Variants in ZNF845 observed in about 807,000 individuals in gnomAD.
The protein encoded by ZNF845 is zinc finger protein 845.
ZNF845 carries 59 observed loss-of-function variants against 76.1 expected under a neutral mutation model. That is an observed-to-expected ratio of 0.78 (90% CI 0.63 to 0.96). ZNF845 has a LOEUF of 0.96. Ranked by LOEUF, ZNF845 falls within the 40% of genes least tolerant of loss-of-function variation. The pLI, the probability that ZNF845 is intolerant of heterozygous loss-of-function variation, is 0.00. For synonymous variants in ZNF845, 361 were observed against 386.9 expected, an observed-to-expected ratio of 0.93 and a Z score of 0.78; for missense variants, 1,045 against 1,172.8, an observed-to-expected ratio of 0.89 and a Z score of 1.59.
rs1316472844 is a variant in ZNF845 at position 53,352,388 on chromosome 19, A to C, written c.1713A>C (p.Ala571=). 3.1e-6 allele frequency: 5 copies of C among 1,613,842 alleles called. No individual in the cohort carries two copies. The highest frequency in any genetic ancestry group is 4.2e-6 in the Non-Finnish European group (5 of 1,179,826). Residue 571 remains alanine, a synonymous_variant, in exon 4 of 4, where the codon GCA becomes GCC. Coordinates refer to ENST00000458035, the MANE Select transcript of ZNF845 (RefSeq NM_138374.3). ...RGQSALIYHQ[A]IHGIGKLYKC... Reference sequence around the variant, plus strand: ...AGTCAGCACTTATTTACCATCAAGCAATCCATGGTATAGGGAAACTTTACA... The same window carrying C: ...AGTCAGCACTTATTTACCATCAAGCCATCCATGGTATAGGGAAACTTTACA...
At chr19:53,341,357 C>T (rs2085255655) in intron 2 of ZNF845, 35 bp downstream of exon 2, 1 of 1,613,220 alleles carries the variant, frequency 6.2e-7, no homozygotes, top group Admixed American at 1.7e-5. Flanking sequence ...GTTCTGTCTC[C>T]TTCCTCTCAG....
intron 1 of ZNF845, among the ~76,000 whole-genome samples, chr19:53,336,807 A>G (rs372989590): frequency 1.3e-5 from 2 of 152,174 alleles, no homozygotes; most frequent in African/African-American, 4.8e-5. Flanking sequence ...TTTAAAAAAC[A>G]ATTTCCAAAT....
intron 1 of ZNF845, chr19:53,340,823 G>T: frequency 2.8e-6 from 1 of 358,696 alleles, no homozygotes; most frequent in Non-Finnish European, 5.0e-6. Context: ...CTCTGCTCCA[G>T]CCATGCAGGC....
In ZNF845 at chr19:53,352,618, C is replaced by A. The variant is rs1175437675; in HGVS notation, c.1943C>A (p.Ser648Ter). 1.9e-6 allele frequency: 3 copies of A among 1,613,666 alleles called. No homozygotes were observed. In the South Asian group the frequency reaches 3.3e-5, roughly 18 times the overall value. ...EECDEAFSFK[S>*]NLQRHRRIHT... ...TGTGATGAAGCTTTCAGTTTCAAAT[C>A]AAACCTTCAAAGACATAGGAGAATT... Residue 648 changes from serine to a stop codon, truncating the protein, a stop_gained, in exon 4 of 4, where the codon TCA becomes TAA. Coordinates refer to ENST00000458035, the MANE Select transcript of ZNF845 (RefSeq NM_138374.3). LOFTEE classifies it high-confidence loss of function.
intron 1 of ZNF845, among the ~76,000 whole-genome samples, chr19:53,340,448 T>A (rs751233102): frequency 6.6e-6 from 1 of 152,020 alleles, no homozygotes; most frequent in Non-Finnish European, 1.5e-5. Context: ...ACTCCTTAAC[T>A]CTCTGCTGGG....
intron 1 of ZNF845, among the ~76,000 whole-genome samples, 158 bp downstream of exon 1, chr19:53,333,950 CT>C (rs2085194022): frequency 6.6e-6 from 1 of 152,220 alleles, no homozygotes; most frequent in South Asian, 2.1e-4. Flanking sequence ...GGGTCGCTTC[CT>C]TTTGGGTTTA....
At chr19:53,348,849 T>G (rs1473978510) in intron 3 of ZNF845, among the ~76,000 whole-genome samples, 4 of 30,206 alleles carry the variant, frequency 1.3e-4, no homozygotes, top group African/African-American at 1.0e-3. Flanking sequence ...GTTAGTCAAT[T>G]TTTTTTTTTT....
chr19:53,348,256 T>A (rs2147042372), intron 3 of ZNF845, among the ~76,000 whole-genome samples: 1 of 152,196 alleles, frequency 6.6e-6, no homozygotes, highest in South Asian at 2.1e-4. Flanking sequence ...TGATAGAGCG[T>A]GACTCAATCT....
chr19:53,346,462 C>T (rs1279005686), intron 3 of ZNF845: 5 of 330,030 alleles, frequency 1.5e-5, no homozygotes, highest in African/African-American at 4.5e-5. Flanking sequence ...AGGCAAATCA[C>T]CTGAGGTCAG....
chr19:53,351,583 AGT>A lies in ZNF845; in HGVS notation c.912_913del (p.Cys304TrpfsTer14). 1.2e-6 allele frequency: 2 copies of A among 1,614,142 alleles called. No individual in the cohort carries two copies. Among genetic ancestry groups the A allele is most frequent in the Non-Finnish European group, 1.7e-6 (2 of 1,179,988 alleles). ...GGAGAGAAACATTACAAGTGCAGTG[AGT>A]GTGGCAAGACCTTCAGTCGAAATTC... On this transcript the variant is annotated frameshift_variant, in exon 4 of 4. Coordinates refer to ENST00000458035, the MANE Select transcript of ZNF845 (RefSeq NM_138374.3). LOFTEE classifies it high-confidence loss of function.
chr19:53,341,183 C>CG lies in ZNF845; in HGVS notation c.-73-50dup. The stretch of plus-strand genomic sequence containing the variant: ...TCCTTTGTATGTTTCATTGTGTTAA[C>CG]GGAGGGGGTGTGTTGATTCTGAGCA... On this transcript the variant is annotated intron_variant, in intron 1 of 3. Coordinates refer to ENST00000458035, the MANE Select transcript of ZNF845 (RefSeq NM_138374.3). The CG allele has an allele frequency of 5.6e-6, 8 of 1,416,758 alleles. No individual in the cohort carries two copies. The South Asian group carries it at 9.7e-5, about 17-fold the overall frequency. 87.8% of individuals were successfully genotyped at this position (1,416,758 alleles called of 1,614,324 possible).
intron 2 of ZNF845, among the ~76,000 whole-genome samples, chr19:53,343,388 A>G (rs1450556317): frequency 6.6e-6 from 1 of 152,110 alleles, no homozygotes; most frequent in African/African-American, 2.4e-5. Flanking sequence ...CTCTGTGCAC[A>G]CCTGCGTTAC....
At chr19:53,345,103 G>A (rs1400662368) in intron 2 of ZNF845, among the ~76,000 whole-genome samples, 2 of 152,112 alleles carry the variant, frequency 1.3e-5, no homozygotes, top group Non-Finnish European at 2.9e-5. Flanking sequence ...GGATCACGAG[G>A]TCAGGAGTTC....
chr19:53,338,256 G>A (rs1266460645), intron 1 of ZNF845, among the ~76,000 whole-genome samples: 2 of 152,236 alleles, frequency 1.3e-5, no homozygotes, highest in East Asian at 1.9e-4. Flanking sequence ...AAAGGAGAAG[G>A]CCTCACTAAG....
At chr19:53,349,096 A>G (rs1349728562) in intron 3 of ZNF845, among the ~76,000 whole-genome samples, 1 of 151,898 alleles carries the variant, frequency 6.6e-6, no homozygotes, top group African/African-American at 2.4e-5. Context: ...CTGACCTTGT[A>G]TCCACCTGCC....
rs556779194 is a variant in ZNF845, at chr19:53,347,833, C to G, written c.142+2201C>G. Among the ~76,000 whole-genome samples the G allele has an allele frequency of 2.0e-5, 3 of 152,234 alleles. No homozygotes were observed. The South Asian group carries it at 6.2e-4, about 32-fold the overall frequency. On this transcript the variant is annotated intron_variant, in intron 3 of 3. Transcript: ENST00000458035. ...TTGGGAGGCAGAGGTGAGTGGATCA[C>G]TTGAAGTCAGGAGTTTGAAACCAGT...
chr19:53,345,739 AT>A, intron 3 of ZNF845, 107 bp downstream of exon 3: 1 of 1,560,212 alleles, frequency 6.4e-7, no homozygotes, highest in South Asian at 1.2e-5. Flanking sequence ...GTGGAGTGAA[AT>A]GGTGTGATCA....
intron 1 of ZNF845, among the ~76,000 whole-genome samples, chr19:53,338,065 G>A (rs1250366295): frequency 5.3e-5 from 8 of 152,118 alleles, no homozygotes; most frequent in Non-Finnish European, 1.2e-4. Context: ...AGGATGCACA[G>A]TTCCCATCTT....
In ZNF845 at chr19:53,333,774, T is replaced by A. The variant is rs1312717283; in HGVS notation, c.-92T>A. ...AAACCCGGAAGCGGATCGCATGGAG[T>A]GATGGTCCCACCGCAGCGGTGAGTT... On this transcript the variant is annotated 5_prime_UTR_variant, in exon 1 of 4. It removes the in-frame stop codon of an upstream open reading frame in the 5' UTR. Transcript: ENST00000458035. 6.3e-6 allele frequency: 1 copy of A among 159,616 alleles called. No homozygotes were observed. The highest frequency in any genetic ancestry group is 2.4e-5 in the African/African-American group (1 of 41,512). The allele number at this position is 159,616 out of a possible 1,614,324, so 9.9% of individuals were successfully genotyped here.
Sources: gnomAD v4.1 joint callset for allele counts (sites outside exome capture counted in the v4.1 genomes callset) on GRCh38, gnomAD v4.1.1 for gene constraint, MANE v1.5 for transcripts, NCBI Gene and HGNC (gene_info 2026-07-23, HGNC 2026-07-21) for gene names.